Variants in FAM24B observed in about 807,000 individuals in gnomAD.
The protein encoded by FAM24B is protein FAM24B.
In FAM24B, 3 loss-of-function variants were observed where a neutral mutation model predicts 2.3. The ratio of observed to expected loss-of-function variants is 1.29; its 90% CI spans 0.59 to 3.32. FAM24B has a LOEUF of 3.32. Ranked by LOEUF, FAM24B falls within the 30% of genes most tolerant of loss-of-function variation. FAM24B has a pLI of 0.03. For missense variants in FAM24B, 98 were observed against 117.2 expected (o/e 0.84, Z 0.76); for synonymous variants, 36 against 46.3 (o/e 0.78, Z 0.90).
intron 1 of FAM24B, among the ~76,000 whole-genome samples, chr10:122,860,575 T>C (rs61872297): frequency 0.07 from 10,663 of 152,346 alleles, 505 homozygotes; most frequent in Middle Eastern, 0.12. Flanking sequence ...TATGTCTGAC[T>C]TTATAAAAAA....
chr10:122,873,296 C>T (rs1306798810), intron 1 of FAM24B, among the ~76,000 whole-genome samples: 1 of 152,210 alleles, frequency 6.6e-6, no homozygotes, highest in Non-Finnish European at 1.5e-5. Flanking sequence ...CGCTCATTTA[C>T]CATTCTGAAA....
intron 1 of FAM24B, among the ~76,000 whole-genome samples, chr10:122,877,475 A>C (rs1036575431): frequency 6.6e-6 from 1 of 152,200 alleles, no homozygotes; most frequent in Non-Finnish European, 1.5e-5. Context: ...GGTGTCAGAC[A>C]TGCAAAAAAA....
chr10:122,865,832 A>G (rs1230701119), intron 1 of FAM24B, among the ~76,000 whole-genome samples: 1 of 150,274 alleles, frequency 6.7e-6, no homozygotes, highest in Non-Finnish European at 1.5e-5. Context: ...CTCCTTTCTA[A>G]GTTTGGGTAC....
At position 122,858,555 on chromosome 10, in the gene FAM24B, T is replaced by TA. The variant is rs545508678; in HGVS notation, c.-177-2770dup. 3.2e-3 allele frequency among the ~76,000 whole-genome samples: 475 copies of TA among 147,136 alleles called. 2 individuals are homozygous for TA. The highest frequency in any genetic ancestry group is 9.1e-3 in the South Asian group (42 of 4,612). On this transcript the variant is annotated intron_variant, in intron 1 of 3. Coordinates refer to ENST00000368898, the MANE Select transcript of FAM24B (RefSeq NM_152644.3). ...TACCCTAGAACTTAAAGTGTAATAA[T>TA]AAAAAAAAAAGAGTGTCACTGTGCC...
intron 2 of FAM24B, among the ~76,000 whole-genome samples, chr10:122,854,127 A>G (rs1373605435): frequency 1.3e-5 from 2 of 152,232 alleles, no homozygotes; most frequent in Admixed American, 1.3e-4. Context: ...AAATTTAGAC[A>G]GTGCAGTGAC....
chr10:122,878,497 A>T (rs1848016609), intron 1 of FAM24B, among the ~76,000 whole-genome samples: 1 of 152,018 alleles, frequency 6.6e-6, no homozygotes, highest in East Asian at 1.9e-4. Flanking sequence ...ACACCACTGT[A>T]CTCCAGCCTG....
intron 1 of FAM24B, among the ~76,000 whole-genome samples, chr10:122,872,546 A>T (rs1847914044): frequency 6.6e-6 from 1 of 152,208 alleles, no homozygotes; most frequent in South Asian, 2.1e-4. Flanking sequence ...CAAATGTCCA[A>T]CAATGATAGA....
chr10:122,855,623 G>A (rs1201133818), intron 2 of FAM24B, 22 bp downstream of exon 2: 1 of 152,188 alleles, frequency 6.6e-6, no homozygotes, highest in Non-Finnish European at 1.5e-5. Flanking sequence ...TTCAAGAGAA[G>A]TAACAGTTCA....
At chr10:122,872,792 G>A (rs1198338721) in intron 1 of FAM24B, among the ~76,000 whole-genome samples, 1 of 152,130 alleles carries the variant, frequency 6.6e-6, no homozygotes, top group Admixed American at 6.5e-5. Context: ...GTGGTGGGGT[G>A]GGAGGAGGGG....
At chr10:122,872,849 A>G (rs1488446827) in intron 1 of FAM24B, among the ~76,000 whole-genome samples, 4 of 152,164 alleles carry the variant, frequency 2.6e-5, no homozygotes, top group African/African-American at 9.7e-5. Context: ...TGACGAGTTA[A>G]TGGGTGCAGC....
rs1847958488 is a variant in FAM24B, at chr10:122,875,217, AC to A, written c.-178+4267del. On this transcript the variant is annotated intron_variant, in intron 1 of 3. Transcript: ENST00000368898. The stretch of plus-strand genomic sequence containing the variant: ...TTTGGCCTGTCCAGTCTCCTGATAA[AC>A]CCATCAAAGGCATTCATTTGTCACA... Among the ~76,000 whole-genome samples, 9 of 152,210 alleles carry A rather than the reference AC, an allele frequency of 5.9e-5. No homozygotes were observed. In the South Asian group the frequency reaches 1.7e-3, roughly 28 times the overall value.
At chr10:122,867,027 C>G (rs1847814037) in intron 1 of FAM24B, among the ~76,000 whole-genome samples, 1 of 152,194 alleles carries the variant, frequency 6.6e-6, no homozygotes, top group African/African-American at 2.4e-5. Flanking sequence ...ATTAAAAGTG[C>G]TACTCCAGTG....
At chr10:122,873,689 T>C (rs189710329) in intron 1 of FAM24B, among the ~76,000 whole-genome samples, 26 of 152,338 alleles carry the variant, frequency 1.7e-4, no homozygotes, top group Admixed American at 4.6e-4. Context: ...TTGCTCTTCT[T>C]TCTCTAGTTT....
chr10:122,866,510 A>G (rs964000468), intron 1 of FAM24B, among the ~76,000 whole-genome samples: 2 of 152,040 alleles, frequency 1.3e-5, no homozygotes, highest in Non-Finnish European at 2.9e-5. Flanking sequence ...GCAACCCTGT[A>G]TTAAGAAGGT....
At chr10:122,854,012 G>C (rs1224592797) in intron 2 of FAM24B, among the ~76,000 whole-genome samples, 1 of 152,108 alleles carries the variant, frequency 6.6e-6, no homozygotes, top group Non-Finnish European at 1.5e-5. Context: ...TGCAACCCTA[G>C]GTATCAGAGA....
At position 122,849,250 on chromosome 10, in the gene FAM24B, G is replaced by T; in HGVS notation, c.282C>A (p.Leu94=). The change falls in exon 4 of 4, where the codon CTC becomes CTA. Residue 94 remains leucine (L), a synonymous_variant. Transcript: ENST00000368898. ...PPCCCDINEG[L] ...TTTTGTGCCCACCTTTCCTAACTCA[G>T]AGGCCCTCATTTATGTCGCAACAGC... 1 of 1,557,340 alleles carries T rather than the reference G, an allele frequency of 6.4e-7. No individual in the cohort carries two copies.
chr10:122,853,776 A>C (rs1241639039), intron 2 of FAM24B, among the ~76,000 whole-genome samples: 1 of 152,200 alleles, frequency 6.6e-6, no homozygotes, highest in African/African-American at 2.4e-5. Context: ...GTGTGGTAGC[A>C]GATGTCTGTA....
intron 1 of FAM24B, among the ~76,000 whole-genome samples, chr10:122,874,286 G>C (rs1847944674): frequency 6.6e-6 from 1 of 152,134 alleles, no homozygotes; most frequent in Non-Finnish European, 1.5e-5. Context: ...TCACATATTT[G>C]ATGCTCTGTT....
At chr10:122,849,560 C>T (rs751464328) in intron 3 of FAM24B, 121 bp from the exon 4 acceptor site, 7 of 814,194 alleles carry the variant, frequency 8.6e-6, no homozygotes, top group Middle Eastern at 2.5e-4. Flanking sequence ...GAACACCAGC[C>T]CTACATTAAA....
Sources: allele counts gnomAD v4.1 joint callset (sites outside exome capture counted in the v4.1 genomes callset), GRCh38; gene constraint gnomAD v4.1.1; transcripts MANE v1.5; gene names NCBI Gene and HGNC (gene_info 2026-07-23, HGNC 2026-07-21).